Variants in FGF13 observed in about 807,000 individuals in gnomAD.
FGF13 encodes the protein fibroblast growth factor homologous factor 2.
FGF13 carries 2 observed loss-of-function variants against 19.5 expected under a neutral mutation model. The ratio of observed to expected loss-of-function variants is 0.10; its 90% CI spans 0.04 to 0.32. The LOEUF (loss-of-function observed/expected upper bound fraction) is 0.32, where lower values mean the gene tolerates loss of function less well. Among genes scored for constraint, FGF13 ranks in the 10% least tolerant of loss-of-function variants. The pLI, the probability that FGF13 is intolerant of heterozygous loss-of-function variation, is 1.00. For missense variants in FGF13, 113 were observed against 192.7 expected (o/e 0.59, Z 2.45); for synonymous variants, 72 against 76.9 (o/e 0.94, Z 0.33).
At chrX:139,158,545 G>A (rs2148252693) in intron 1 of FGF13, among the ~76,000 whole-genome samples, 1 of 111,305 alleles carries the variant, frequency 9.0e-6, no homozygotes, top group African/African-American at 3.3e-5. Flanking sequence ...TAGCCAGACT[G>A]CCTCTCTAGA....
Position 139,064,344 on chromosome X carries a change from G to A in FGF13, c.-113+139072C>T, listed in dbSNP as rs1340443398. Among the ~76,000 whole-genome samples the A allele has an allele frequency of 2.0e-4, 12 of 58,761 alleles. 1 individual carries two copies. In the East Asian group the frequency reaches 3.8e-3, roughly 18 times the overall value. 51.0% of individuals were successfully genotyped at this position (58,761 alleles called of 115,157 possible). ...GGAGTCTCGCTCTGTCGCCCAGGCC[G>A]GACTGCAGACTGCAGTGGCGCAATC... is the stretch of plus-strand genomic sequence containing the variant. On this transcript the variant is annotated intron_variant, in intron 1 of 2. Transcript: ENST00000421460.
At chrX:138,802,117 T>G (rs756420041) in intron 3 of FGF13, among the ~76,000 whole-genome samples, 17 of 111,874 alleles carry the variant, frequency 1.5e-4, no homozygotes, top group Non-Finnish European at 3.0e-4. Context: ...CTTGCTGGGT[T>G]TCCAGGTATC....
intron 3 of FGF13, among the ~76,000 whole-genome samples, chrX:138,744,439 T>C (rs1424993036): frequency 3.6e-5 from 4 of 111,828 alleles, no homozygotes; most frequent in Non-Finnish European, 7.5e-5. Context: ...AATTATTTCT[T>C]TATTGGGCTT....
chrX:139,188,896 C>A (rs12843466), intron 1 of FGF13, among the ~76,000 whole-genome samples: 26,664 of 110,960 alleles, frequency 0.24, 2,366 homozygotes, highest in Non-Finnish European at 0.26. Context: ...GCCTTATGAG[C>A]CAGGCTTTGT....
At chrX:138,984,588 A>AAGAAGAAGAAGAAGGAGGAGG (rs2091982501) in intron 1 of FGF13, among the ~76,000 whole-genome samples, 2 of 11,501 alleles carry the variant, frequency 1.7e-4, no homozygotes, top group Admixed American at 1.6e-3. Context: ...GAAGAAGAAG[A>AAGAAGAAGAAGAAGGAGGAGG]AGGAGGAGGA....
intron 1 of FGF13, among the ~76,000 whole-genome samples, chrX:138,723,231 C>G (rs1219117810): frequency 8.9e-6 from 1 of 111,860 alleles, no homozygotes; most frequent in Non-Finnish European, 1.9e-5. Context: ...GTTTATATCA[C>G]TGTCAATTAA....
rs747125133 is a variant in FGF13 at position 139,049,061 on chromosome X, G to T, written c.-113+154355C>A. 2.0e-3 allele frequency among the ~76,000 whole-genome samples: 224 copies of T among 111,164 alleles called. 2 individuals are homozygous for T. The highest frequency in any genetic ancestry group is 0.019 in the Middle Eastern group (4 of 215). On this transcript the variant is annotated intron_variant, in intron 1 of 2. Coordinates refer to the FGF13 transcript ENST00000421460. ...TGGTTTATGGTAAATGCACTTCGAC[G>T]TGTTTAAGAGTTGGCATTATTTTCT...
chrX:138,957,350 C>A (rs763980605), intron 1 of FGF13, among the ~76,000 whole-genome samples: 3 of 111,843 alleles, frequency 2.7e-5, no homozygotes, highest in Non-Finnish European at 5.6e-5. Flanking sequence ...AATGAAGAGA[C>A]ACAGGAATAT....
intron 1 of FGF13, among the ~76,000 whole-genome samples, chrX:139,077,234 T>A (rs2083338474): frequency 8.9e-6 from 1 of 111,969 alleles, no homozygotes; most frequent in African/African-American, 3.2e-5. Flanking sequence ...TAAATGCCAG[T>A]TAAGCTTTAA....
chrX:138,983,393 C>T (rs1428878153), intron 1 of FGF13, among the ~76,000 whole-genome samples: 2 of 67,939 alleles, frequency 2.9e-5, no homozygotes, highest in African/African-American at 1.0e-4. Flanking sequence ...TCTTGGCACC[C>T]TTATCAAAGA....
chrX:138,784,964 G>T (rs1346994928), intron 3 of FGF13, among the ~76,000 whole-genome samples: 12 of 112,030 alleles, frequency 1.1e-4, no homozygotes, highest in Admixed American at 9.5e-4. Flanking sequence ...TAAAATCATG[G>T]TTGGACATTT....
chrX:138,928,043 T>G (rs138236022), intron 1 of FGF13, among the ~76,000 whole-genome samples: 1,386 of 111,672 alleles, frequency 0.012, 25 homozygotes, highest in African/African-American at 0.041. Flanking sequence ...ACCAGGAATA[T>G]TTAATGACAT....
chrX:138,715,753 A>C (rs921008366), upstream of FGF13: 4 of 112,388 alleles, frequency 3.6e-5, no homozygotes, highest in African/African-American at 1.3e-4. Flanking sequence ...GATTCCAAGG[A>C]AAAAATGCAA....
chrX:138,876,280 C>A (rs889527917), intron 1 of FGF13, among the ~76,000 whole-genome samples: 1 of 112,388 alleles, frequency 8.9e-6, no homozygotes, highest in Non-Finnish European at 1.9e-5. Flanking sequence ...ACCCTCTCAC[C>A]TTAAAATGTA....
At chrX:138,925,354 C>T (rs1215717164) in intron 1 of FGF13, among the ~76,000 whole-genome samples, 1 of 111,365 alleles carries the variant, frequency 9.0e-6, no homozygotes, top group African/African-American at 3.3e-5. Context: ...CACAATGATA[C>T]CTTCAAAATC....
chrX:138,725,901 A>G (rs2090182062), intron 1 of FGF13, among the ~76,000 whole-genome samples: 1 of 111,395 alleles, frequency 9.0e-6, no homozygotes, highest in Non-Finnish European at 1.9e-5. Context: ...GGGTTTGCAC[A>G]TAACTAGAAA....
At chrX:138,651,753 A>T (rs1005423090) in intron 3 of FGF13, among the ~76,000 whole-genome samples, 15 of 111,677 alleles carry the variant, frequency 1.3e-4, no homozygotes, top group African/African-American at 4.9e-4. Flanking sequence ...TTCCATTCTG[A>T]CCTACAGAGC....
intron 3 of FGF13, among the ~76,000 whole-genome samples, chrX:138,639,132 C>T (rs1436520049): frequency 8.9e-6 from 1 of 111,929 alleles, no homozygotes; most frequent in African/African-American, 3.2e-5. Flanking sequence ...TGTCACCCAA[C>T]ACAGGCAGGT....
At chrX:138,995,425 C>T in intron 1 of FGF13, among the ~76,000 whole-genome samples, 1 of 111,479 alleles carries the variant, frequency 9.0e-6, no homozygotes, top group Non-Finnish European at 1.9e-5. Context: ...AGGTACTAAA[C>T]CCAGTATCCA....
Sources: gnomAD v4.1 joint callset for allele counts (sites outside exome capture counted in the v4.1 genomes callset) on GRCh38, gnomAD v4.1.1 for gene constraint, MANE v1.5 for transcripts, NCBI Gene and HGNC (gene_info 2026-07-23, HGNC 2026-07-21) for gene names.